Variants in TTC34 observed in about 807,000 individuals in gnomAD.
The protein encoded by TTC34 is tetratricopeptide repeat protein 34.
TTC34 carries 44 observed loss-of-function variants against 40.7 expected under a neutral mutation model. That is an observed-to-expected ratio of 1.08 (90% CI 0.85 to 1.39). The LOEUF is 1.39. TTC34 is among the 40% of genes most tolerant of loss of function. The probability of loss-of-function intolerance (pLI) is 0.00; values close to 1 mark genes in which losing one functional copy is unlikely to be tolerated. For synonymous variants in TTC34, 422 were observed against 398.6 expected (o/e 1.06, Z -0.70); for missense variants, 884 against 838.0 (o/e 1.05, Z -0.68).
At chr1:2,755,622 CA>C (rs1641478299) in intron 6 of TTC34, among the ~76,000 whole-genome samples, 1 of 27,190 alleles carries the variant, frequency 3.7e-5, no homozygotes, top group Non-Finnish European at 7.8e-5. Flanking sequence ...AGCACCCACA[CA>C]CCCAGGTGCG....
intron 6 of TTC34, among the ~76,000 whole-genome samples, chr1:2,675,164 C>A (rs532866481): frequency 1.0e-3 from 141 of 138,422 alleles, no homozygotes; most frequent in African/African-American, 2.1e-3. Flanking sequence ...CCCACACCCC[C>A]AGGGGAGCAT....
chr1:2,686,718 C>CT (rs1640369654), intron 6 of TTC34, among the ~76,000 whole-genome samples: 3 of 144,106 alleles, frequency 2.1e-5, no homozygotes, highest in Admixed American at 6.9e-5. Flanking sequence ...GAACAGCACA[C>CT]ACACCCCCAG....
chr1:2,753,219 C>A (rs1641384714), intron 6 of TTC34, among the ~76,000 whole-genome samples: 4 of 120,646 alleles, frequency 3.3e-5, no homozygotes, highest in African/African-American at 1.5e-4. Context: ...CCCACACCCA[C>A]AGGTGAGCAT....
At chr1:2,800,765 C>G (rs1043943444) in exon 2 of TTC34, 18 of 399,070 alleles carry the variant, frequency 4.5e-5, no homozygotes, top group Non-Finnish European at 7.1e-5. Context: ...GCAGCTCCCC[C>G]AGCGCCAGAT....
intron 6 of TTC34, among the ~76,000 whole-genome samples, chr1:2,754,700 T>G (rs1424389061): frequency 5.4e-5 from 2 of 37,126 alleles, no homozygotes; most frequent in Admixed American, 2.7e-4. Context: ...CACCCACACC[T>G]CCAGGCGAGC....
At chr1:2,785,915 C>G in exon 5 of TTC34, 1 of 1,535,496 alleles carries the variant, frequency 6.5e-7, no homozygotes, top group Non-Finnish European at 8.8e-7. Context: ...ATGGCCAGGG[C>G]CCTGGCGTGG....
rs1553168954 is a variant in TTC34, at chr1:2,777,693, G to GGC, written c.2226+5915_2226+5916insGC. ...GGGTGAAGAGGCAGAGGGCATGGGG[G>GGC]GGGGGGCGCAGCATCAGCCCATATC... On this transcript the variant is annotated intron_variant, in intron 6 of 8. Coordinates refer to ENST00000401095, the Ensembl canonical transcript of TTC34. Among the ~76,000 whole-genome samples, 4 of 151,820 alleles carry GGC rather than the reference G, an allele frequency of 2.6e-5. 2 individuals are homozygous for GGC. Among genetic ancestry groups the GGC allele is most frequent in the South Asian group, 4.2e-4 (2 of 4,784 alleles).
intron 6 of TTC34, among the ~76,000 whole-genome samples, chr1:2,755,990 G>A (rs1641492757): frequency 1.2e-5 from 1 of 80,052 alleles, no homozygotes; most frequent in East Asian, 3.7e-4. Context: ...CTGCAACCCA[G>A]GTGAGCATCT....
intron 6 of TTC34, among the ~76,000 whole-genome samples, chr1:2,751,184 G>A (rs1232381089): frequency 1.8e-5 from 2 of 110,608 alleles, no homozygotes; most frequent in South Asian, 3.3e-4. Context: ...GCGAGCATCC[G>A]ACAGCCTGGA....
chr1:2,786,724 C>T (rs1301287240), intron 4 of TTC34, among the ~76,000 whole-genome samples: 1 of 152,194 alleles, frequency 6.6e-6, no homozygotes, highest in Non-Finnish European at 1.5e-5. Flanking sequence ...CCAAGTAGGA[C>T]CAGGTCGCTG....
intron 6 of TTC34, among the ~76,000 whole-genome samples, chr1:2,779,168 A>G (rs1163008119): frequency 6.6e-6 from 1 of 152,200 alleles, no homozygotes; most frequent in Non-Finnish European, 1.5e-5. Flanking sequence ...CCACCCATCC[A>G]TCGGTGGACA....
intron 6 of TTC34, among the ~76,000 whole-genome samples, chr1:2,694,544 C>G (rs561860119): frequency 4.7e-4 from 51 of 107,616 alleles, no homozygotes; most frequent in Non-Finnish European, 7.3e-4. Flanking sequence ...GGAGTAGCAC[C>G]CCACACCCAC....
chr1:2,641,642 C>T lies in TTC34; in HGVS notation c.2966G>A (p.Ser989Asn). The stretch of plus-strand genomic sequence containing the variant: ...TGCGGCCGCCGCCTCATCCCCCAGG[C>T]TCAGCAGCAGGCGACCCTGACGGCA... The change falls in exon 9 of 9, where the codon AGC (serine) becomes AAC (asparagine). Residue 989 changes from serine to asparagine, a missense_variant. Ser to Asn is a conservative substitution (Grantham distance 46). Coordinates refer to ENST00000401095, the Ensembl canonical transcript of TTC34. 5.2e-6 allele frequency: 8 copies of T among 1,535,252 alleles called. No homozygotes were observed. The East Asian group carries it at 9.8e-5, about 19-fold the overall frequency.
chr1:2,677,789 A>ATGG (rs1557602010), intron 6 of TTC34, among the ~76,000 whole-genome samples: 1,859 of 56,406 alleles, frequency 0.033, 147 homozygotes, highest in Non-Finnish European at 0.037. Flanking sequence ...TGAGCATCTG[A>ATGG]CCGCATCACA....
intron 6 of TTC34, among the ~76,000 whole-genome samples, chr1:2,683,576 T>C (rs542677127): frequency 6.8e-4 from 94 of 137,816 alleles, no homozygotes; most frequent in African/African-American, 2.7e-3. Flanking sequence ...TCCGACAGCC[T>C]GGAACAGCAC....
intron 2 of TTC34, among the ~76,000 whole-genome samples, chr1:2,794,273 C>T (rs1345492723): frequency 6.6e-6 from 1 of 152,136 alleles, no homozygotes; most frequent in Admixed American, 6.5e-5. Context: ...TCCAAAAGTG[C>T]TGGGATTACA....
chr1:2,754,739 C>A (rs1262332196), intron 6 of TTC34, among the ~76,000 whole-genome samples: 2,057 of 132,568 alleles, frequency 0.016, no homozygotes, highest in African/African-American at 0.036. Flanking sequence ...GCACCCACAC[C>A]CCCAGGTGCG....
chr1:2,698,474 T>A (rs796550492), intron 6 of TTC34, among the ~76,000 whole-genome samples: 1,514 of 8,908 alleles, frequency 0.17, 149 homozygotes, highest in Non-Finnish European at 0.22. Context: ...ACAGCCTGGA[T>A]CAGCACCCAC....
chr1:2,691,010 G>A lies in TTC34; in HGVS notation c.2227-45447C>T, dbSNP rs201867073. ...AGGAGAGCATCCGGCAGCCTGGAGC[G>A]GAACCCACACCAACAGGCGAGCATC... On this transcript the variant is annotated intron_variant, in intron 6 of 8. Transcript: ENST00000401095. Among the ~76,000 whole-genome samples the A allele has an allele frequency of 1.0e-3, 53 of 52,930 alleles. 19 individuals are homozygous for A. Among genetic ancestry groups the A allele is most frequent in the Middle Eastern group, 0.029 (2 of 70 alleles). The allele number at this position is 52,930 out of a possible 152,430, so 34.7% of individuals were successfully genotyped here. A position where few individuals can be genotyped will look rare whatever the true frequency, so the allele number is the denominator to read the frequency against.
Sources: gnomAD v4.1 joint callset for allele counts (sites outside exome capture counted in the v4.1 genomes callset) on GRCh38, gnomAD v4.1.1 for gene constraint, MANE v1.5 for transcripts, NCBI Gene and HGNC (gene_info 2026-07-23, HGNC 2026-07-21) for gene names.